The following AFAP1L2 variants were observed in gnomAD, a reference collection of about 807,000 sequenced individuals.
AFAP1L2 encodes actin filament-associated protein 1-like 2.
AFAP1L2 carries 46 observed loss-of-function variants against 99.3 expected under a neutral mutation model. That is an observed-to-expected ratio of 0.46 (90% confidence interval 0.37 to 0.59). The LOEUF is 0.59. Ranked by LOEUF, AFAP1L2 falls within the 20% of genes least tolerant of loss-of-function variation. AFAP1L2 has a pLI of 0.00. For missense variants in AFAP1L2, 959 were observed against 1,034.9 expected, an observed-to-expected ratio of 0.93 and a Z score of 1.01; for synonymous variants, 397 against 419.1, an observed-to-expected ratio of 0.95 and a Z score of 0.64.
At chr10:114,293,225 C>T (rs1347574932), downstream of AFAP1L2, among the ~76,000 whole-genome samples, 1 of 152,190 alleles carries the variant, frequency 6.6e-6, no homozygotes, top group Non-Finnish European at 1.5e-5. Context: ...TGCTGCCCTT[C>T]ACAGAAGACA....
intron 4 of AFAP1L2, among the ~76,000 whole-genome samples, chr10:114,328,231 G>A (rs1331696992): frequency 6.6e-6 from 1 of 152,180 alleles, no homozygotes. Flanking sequence ...TCTCTACTGA[G>A]TCTGTAGGGG....
At chr10:114,349,555 G>A (rs1286920245) in intron 1 of AFAP1L2, among the ~76,000 whole-genome samples, 32 of 123,746 alleles carry the variant, frequency 2.6e-4, no homozygotes, top group South Asian at 8.5e-4. Context: ...TTGTCGCTTG[G>A]AAAAAAAAAA....
At chr10:114,317,475 G>A (rs2044315324) in intron 5 of AFAP1L2, among the ~76,000 whole-genome samples, 1 of 152,144 alleles carries the variant, frequency 6.6e-6, no homozygotes, top group African/African-American at 2.4e-5. Flanking sequence ...AAGCAGTCTG[G>A]CAGCCTGTTT....
the AFAP1L2 span, chr10:114,289,227 A>G: frequency 6.2e-7 from 1 of 1,613,920 alleles, no homozygotes; most frequent in Non-Finnish European, 8.5e-7. Flanking sequence ...TCTATGACAA[A>G]GTGATGACCG....
chr10:114,380,393 C>T (rs779646660), intron 1 of AFAP1L2, among the ~76,000 whole-genome samples: 12 of 152,224 alleles, frequency 7.9e-5, no homozygotes, highest in Non-Finnish European at 1.5e-4. Context: ...ATGAAAAACT[C>T]TACCTTTCCT....
chr10:114,337,837 G>A (rs2048212129), intron 2 of AFAP1L2, among the ~76,000 whole-genome samples: 2 of 152,182 alleles, frequency 1.3e-5, no homozygotes, highest in Non-Finnish European at 2.9e-5. Context: ...GTGGTGTGGG[G>A]AGTGTACTTT....
chr10:114,400,547 A>G (rs1006677296), intron 1 of AFAP1L2, among the ~76,000 whole-genome samples: 12 of 152,234 alleles, frequency 7.9e-5, no homozygotes, highest in African/African-American at 2.2e-4. Context: ...GAAGGTGATT[A>G]CAGTAGATTT....
At chr10:114,360,547 A>AGGTAGAT (rs1554937913) in intron 1 of AFAP1L2, among the ~76,000 whole-genome samples, 30 of 151,992 alleles carry the variant, frequency 2.0e-4, no homozygotes, top group African/African-American at 7.0e-4. Flanking sequence ...ATAGATAGAT[A>AGGTAGAT]GATAGATAGA....
intron 5 of AFAP1L2, among the ~76,000 whole-genome samples, chr10:114,318,758 A>G (rs1174451085): frequency 6.6e-6 from 1 of 150,710 alleles, no homozygotes. Flanking sequence ...GAAAAAAAAA[A>G]GAACAACAAA....
chr10:114,380,618 T>C (rs535449874), intron 1 of AFAP1L2, among the ~76,000 whole-genome samples: 2 of 152,162 alleles, frequency 1.3e-5, no homozygotes, highest in Non-Finnish European at 2.9e-5. Flanking sequence ...GAACATATCA[T>C]AAAGCCACAA....
chr10:114,295,075 C>T lies in AFAP1L2; in HGVS notation c.*967G>A, dbSNP rs2039991062. The T allele has an allele frequency of 2.0e-6, 2 of 981,706 alleles. No homozygotes were observed. The highest frequency in any genetic ancestry group is 9.4e-5 in the South Asian group (2 of 21,188). 60.8% of individuals were successfully genotyped at this position (981,706 alleles called of 1,614,324 possible). Reference sequence around the variant, plus strand: ...AAGACAGGGGCAGCACAAGGAACAGCACTGCCAATTTTAAGAGGGCGATCA... The same window carrying T: ...AAGACAGGGGCAGCACAAGGAACAGTACTGCCAATTTTAAGAGGGCGATCA... On this transcript the variant is annotated 3_prime_UTR_variant, in exon 19 of 19. Coordinates refer to ENST00000304129, the MANE Select transcript of AFAP1L2 (RefSeq NM_001001936.3).
chr10:114,300,025 C>T (rs892102429), intron 15 of AFAP1L2, among the ~76,000 whole-genome samples, 169 bp downstream of exon 15: 1 of 152,218 alleles, frequency 6.6e-6, no homozygotes, highest in Non-Finnish European at 1.5e-5. Context: ...GGCTTCCTTG[C>T]TCCTCAACTT....
chr10:114,355,390 G>A (rs992158109), intron 1 of AFAP1L2, among the ~76,000 whole-genome samples: 1 of 151,672 alleles, frequency 6.6e-6, no homozygotes, highest in Admixed American at 6.6e-5. Flanking sequence ...GAGCCACCAC[G>A]CCCGGCTCTC....
At chr10:114,308,049 T>A (rs979090238) in intron 9 of AFAP1L2, 140 bp from the exon 10 acceptor site, 43 of 699,846 alleles carry the variant, frequency 6.1e-5, no homozygotes, top group South Asian at 3.6e-4. Flanking sequence ...TATGCACGCA[T>A]ACACACACAC....
rs1255094779 is a variant in AFAP1L2 at position 114,327,154 on chromosome 10, TATA to T, written c.316-3896_316-3894del. 1.3e-4 allele frequency among the ~76,000 whole-genome samples: 10 copies of T among 79,020 alleles called. 1 individual carries two copies. The Admixed American group carries it at 1.3e-3, about 10-fold the overall frequency. The allele number at this position is 79,020 out of a possible 152,430, so 51.8% of individuals were successfully genotyped here. A position where few individuals can be genotyped will look rare whatever the true frequency, so the allele number is the denominator to read the frequency against. ...CGTGAATTTTATATATATTTATATA[TATA>T]TATATATATATATATATTTTTTTTT... On this transcript the variant is annotated intron_variant, in intron 4 of 18. Transcript: ENST00000304129.
intron 12 of AFAP1L2, chr10:114,301,720 G>A: frequency 3.9e-6 from 2 of 511,370 alleles, no homozygotes; most frequent in Non-Finnish European, 3.5e-6. Flanking sequence ...CTCGTCCTAG[G>A]ATCCCTTTGC....
chr10:114,295,719 G>A lies in AFAP1L2; in HGVS notation c.*323C>T. The A allele has an allele frequency of 9.2e-7, 1 of 1,085,680 alleles. No individual in the cohort carries two copies. Among genetic ancestry groups the A allele is most frequent in the Admixed American group, 4.9e-5 (1 of 20,590 alleles). The allele number at this position is 1,085,680 out of a possible 1,614,324, so 67.3% of individuals were successfully genotyped here. On this transcript the variant is annotated 3_prime_UTR_variant, in exon 19 of 19. Coordinates refer to ENST00000304129, the MANE Select transcript of AFAP1L2 (RefSeq NM_001001936.3). ...ATCTTCCACCAAAGTCTAAACAGGA[G>A]GTTTTCACTATTTAAAAATCTTAGT...
At chr10:114,324,748 G>T (rs2045984578) in intron 4 of AFAP1L2, among the ~76,000 whole-genome samples, 1 of 152,242 alleles carries the variant, frequency 6.6e-6, no homozygotes, top group African/African-American at 2.4e-5. Flanking sequence ...GGGGGAGGTT[G>T]TAGGGGGAGA....
chr10:114,399,987 C>T (rs1433281174), intron 1 of AFAP1L2, among the ~76,000 whole-genome samples: 2 of 152,196 alleles, frequency 1.3e-5, no homozygotes, highest in African/African-American at 2.4e-5. Flanking sequence ...CTGGAGAGCT[C>T]AGCAGTTTGC....
Sources: allele counts gnomAD v4.1 joint callset (sites outside exome capture counted in the v4.1 genomes callset), GRCh38; gene constraint gnomAD v4.1.1; transcripts MANE v1.5; gene names NCBI Gene and HGNC (gene_info 2026-07-23, HGNC 2026-07-21).